The following MAGI2 variants were observed in gnomAD, a reference collection of about 807,000 sequenced individuals.
MAGI2 encodes membrane associated guanylate kinase, WW and PDZ domain containing 2.
In MAGI2, 35 loss-of-function variants were observed where a neutral mutation model predicts 133.3. The observed-to-expected ratio is 0.26, with a 90% CI of 0.20 to 0.35. MAGI2 has a LOEUF of 0.35. MAGI2 is among the 10% of genes least tolerant of loss of function. MAGI2 has a pLI of 1.00. For synonymous variants in MAGI2, 729 were observed against 710.6 expected (o/e 1.03, Z -0.41); for missense variants, 1,636 against 1,863.4 (o/e 0.88, Z 2.25).
intron 6 of MAGI2, among the ~76,000 whole-genome samples, chr7:78,482,466 C>T (rs550787957): frequency 6.6e-6 from 1 of 151,990 alleles, no homozygotes; most frequent in East Asian, 1.9e-4. Context: ...CAGCTTTATT[C>T]ATTCATATTA....
intron 2 of MAGI2, among the ~76,000 whole-genome samples, chr7:78,683,867 A>T (rs1419839574): frequency 6.6e-6 from 1 of 152,220 alleles, no homozygotes; most frequent in Non-Finnish European, 1.5e-5. Context: ...GAAAAGTAAC[A>T]AACAGCTGAT....
At chr7:78,467,783 A>C (rs555443144) in intron 6 of MAGI2, among the ~76,000 whole-genome samples, 2 of 152,282 alleles carry the variant, frequency 1.3e-5, no homozygotes, top group African/African-American at 4.8e-5. Context: ...GCAGAACATT[A>C]GGAGAAACCT....
intron 1 of MAGI2, among the ~76,000 whole-genome samples, chr7:79,325,467 T>A (rs2129085349): frequency 6.6e-6 from 1 of 152,280 alleles, no homozygotes; most frequent in South Asian, 2.1e-4. Flanking sequence ...ATTTCTCAAA[T>A]CACAACAACA....
chr7:78,137,247 G>A (rs1255290331), intron 16 of MAGI2, among the ~76,000 whole-genome samples: 1 of 152,170 alleles, frequency 6.6e-6, no homozygotes, highest in African/African-American at 2.4e-5. Flanking sequence ...TGGCCATAAT[G>A]TGTATATTGT....
chr7:78,868,351 G>A (rs1424878172), intron 2 of MAGI2, among the ~76,000 whole-genome samples: 9 of 152,260 alleles, frequency 5.9e-5, no homozygotes, highest in Non-Finnish European at 2.9e-5. Flanking sequence ...AGGAGAAACC[G>A]AGGAACAGAG....
At chr7:78,172,621 T>C (rs919499735) in intron 14 of MAGI2, among the ~76,000 whole-genome samples, 1 of 152,244 alleles carries the variant, frequency 6.6e-6, no homozygotes, top group Non-Finnish European at 1.5e-5. Context: ...GGAGTCCTGC[T>C]GTTCATTATT....
intron 3 of MAGI2, among the ~76,000 whole-genome samples, chr7:78,600,749 G>A (rs1805113993): frequency 6.6e-6 from 1 of 152,080 alleles, no homozygotes; most frequent in Admixed American, 6.6e-5. Context: ...GTGTGTGTGG[G>A]TGCATGTATG....
At position 79,213,156 on chromosome 7, in the gene MAGI2, TTTTTCTGTATATA is replaced by T. The variant is rs1351025981; in HGVS notation, c.302-205963_302-205951del. On this transcript the variant is annotated intron_variant, in intron 1 of 21. Coordinates refer to ENST00000354212, the MANE Select transcript of MAGI2 (RefSeq NM_012301.4). ...ACTATTCAAAAATTATGACTTGAGA[TTTTTCTGTATATA>T]TTTTCTGTATAGATTTTTCTGTATA... is the stretch of plus-strand genomic sequence containing the variant. 4.0e-4 allele frequency among the ~76,000 whole-genome samples: 61 copies of T among 151,818 alleles called. 1 individual carries two copies. Among genetic ancestry groups the T allele is most frequent in the African/African-American group, 1.4e-3 (58 of 41,184 alleles).
chr7:79,294,682 CTA>C (rs1836773354), intron 1 of MAGI2, among the ~76,000 whole-genome samples: 1 of 137,700 alleles, frequency 7.3e-6, no homozygotes, highest in South Asian at 2.3e-4. Context: ...TTTAATTGTG[CTA>C]TGTTTCATTA....
rs923308092 is a variant in MAGI2 at position 78,979,503 on chromosome 7, C to T, written c.418+27587G>A. On this transcript the variant is annotated intron_variant, in intron 2 of 21. Transcript: ENST00000354212. Reference sequence around the variant, plus strand: ...AACAGACCAGGTGAATTTCTTGCTTCTCCCTGAGCTGGGGGTTTCACTTCC... The same window carrying T: ...AACAGACCAGGTGAATTTCTTGCTTTTCCCTGAGCTGGGGGTTTCACTTCC... Among the ~76,000 whole-genome samples the T allele has an allele frequency of 2.6e-5, 4 of 151,810 alleles. No homozygotes were observed. In the East Asian group the frequency reaches 7.8e-4, roughly 30 times the overall value.
intron 6 of MAGI2, among the ~76,000 whole-genome samples, chr7:78,487,820 T>A (rs912539689): frequency 8.5e-5 from 13 of 152,098 alleles, no homozygotes; most frequent in Admixed American, 7.9e-4. Flanking sequence ...TTCAGAAAAT[T>A]ACTGTACTAA....
chr7:79,250,541 A>G (rs756230097), intron 1 of MAGI2, among the ~76,000 whole-genome samples: 15 of 152,170 alleles, frequency 9.9e-5, no homozygotes, highest in Non-Finnish European at 1.8e-4. Flanking sequence ...AAATTAATTT[A>G]ACCAAAGAAG....
chr7:78,148,175 G>A (rs1584143392), intron 16 of MAGI2, among the ~76,000 whole-genome samples: 1 of 152,274 alleles, frequency 6.6e-6, no homozygotes, highest in African/African-American at 2.4e-5. Context: ...AGCAAACTAT[G>A]GTGCGTCTAT....
chr7:79,445,684 G>T (rs999630783), intron 1 of MAGI2, among the ~76,000 whole-genome samples: 8 of 152,204 alleles, frequency 5.3e-5, no homozygotes, highest in African/African-American at 1.9e-4. Flanking sequence ...TGGAGAGGAT[G>T]TGGAGAAACA....
intron 2 of MAGI2, among the ~76,000 whole-genome samples, chr7:78,640,437 AAG>A (rs1052673157): frequency 2.0e-5 from 3 of 152,260 alleles, no homozygotes; most frequent in East Asian, 1.9e-4. Context: ...GAAATTTTAA[AAG>A]AGAGCTAATT....
At chr7:79,225,657 A>G (rs1456194882) in intron 1 of MAGI2, among the ~76,000 whole-genome samples, 1 of 152,190 alleles carries the variant, frequency 6.6e-6, no homozygotes, top group Non-Finnish European at 1.5e-5. Flanking sequence ...CCTTTTTAAT[A>G]TTTTGAGCAA....
chr7:78,566,383 C>T (rs533076438), intron 3 of MAGI2, among the ~76,000 whole-genome samples: 14 of 151,930 alleles, frequency 9.2e-5, no homozygotes, highest in East Asian at 3.9e-4. Context: ...GTGAGAATGG[C>T]GGTTGGAACA....
rs546825358 is a variant in MAGI2 at position 79,337,738 on chromosome 7, G to A, written c.301+115282C>T. ...CAAATTGAACTACAATGCCCATAGA[G>A]ATAACCACATAGGGCAATGCTCATT... On this transcript the variant is annotated intron_variant, in intron 1 of 21. Transcript: ENST00000354212. 2.0e-5 allele frequency among the ~76,000 whole-genome samples: 3 copies of A among 152,212 alleles called. No individual in the cohort carries two copies. In the South Asian group the frequency reaches 6.2e-4, roughly 32 times the overall value.
rs146741857 is a variant in MAGI2 at position 78,882,400 on chromosome 7, C to T, written c.418+124690G>A. On this transcript the variant is annotated intron_variant, in intron 2 of 21. Coordinates refer to ENST00000354212, the MANE Select transcript of MAGI2 (RefSeq NM_012301.4). ...AAACCTGCCAACCCAAAAAAGCCCG[C>T]GACCAGATTGATTCACAGCTGAATT... 5.9e-4 allele frequency among the ~76,000 whole-genome samples: 89 copies of T among 151,870 alleles called. No individual in the cohort carries two copies. The East Asian group carries it at 0.013, about 22-fold the overall frequency.
Sources: allele counts gnomAD v4.1 joint callset (sites outside exome capture counted in the v4.1 genomes callset), GRCh38; gene constraint gnomAD v4.1.1; transcripts MANE v1.5; gene names NCBI Gene and HGNC (gene_info 2026-07-23, HGNC 2026-07-21).